ELAPOR2: variants seen among roughly 807,000 people sequenced by gnomAD.
ELAPOR2 encodes endosome-lysosome associated apoptosis and autophagy regulator family member 2.
In ELAPOR2, 89 loss-of-function variants were observed where a neutral mutation model predicts 120.7. The observed-to-expected ratio is 0.74, with a 90% CI of 0.62 to 0.88. The LOEUF (loss-of-function observed/expected upper bound fraction) is 0.88. ELAPOR2 is among the 40% of genes least tolerant of loss of function. The pLI, the probability that ELAPOR2 is intolerant of heterozygous loss-of-function variation, is 0.00. For missense variants in ELAPOR2, 1,134 were observed against 1,251.6 expected, an observed-to-expected ratio of 0.91 and a Z score of 1.42; for synonymous variants, 444 against 444.9, an observed-to-expected ratio of 1.00 and a Z score of 0.03.
At chr7:86,921,315 T>C (rs997265845) in intron 10 of ELAPOR2, among the ~76,000 whole-genome samples, 9 of 152,022 alleles carry the variant, frequency 5.9e-5, no homozygotes, top group African/African-American at 2.2e-4. Flanking sequence ...AAATGACTGG[T>C]GTCCTTATGA....
chr7:87,059,539 C>G lies in ELAPOR2; in HGVS notation c.-26G>C, dbSNP rs929711957. 6 of 1,172,746 alleles carry G rather than the reference C, an allele frequency of 5.1e-6. No homozygotes were observed. The highest frequency in any genetic ancestry group is 6.3e-6 in the Non-Finnish European group (6 of 950,234). 72.6% of individuals were successfully genotyped at this position (1,172,746 alleles called of 1,614,324 possible). A position where few individuals can be genotyped will look rare whatever the true frequency, so the allele number is the denominator to read the frequency against. ...CTTCGTCCGGCCGCGGTCGGCGGGCCGGCGGCAAGGCAGCCTTCCCGGGGT... is the reference window on the plus strand; with the variant it reads ...CTTCGTCCGGCCGCGGTCGGCGGGCGGGCGGCAAGGCAGCCTTCCCGGGGT... On this transcript the variant is annotated 5_prime_UTR_variant, in exon 1 of 22. Coordinates refer to ENST00000450689, the MANE Select transcript of ELAPOR2 (RefSeq NM_001142749.3).
At chr7:87,050,327 G>A (rs1419092354) in intron 1 of ELAPOR2, among the ~76,000 whole-genome samples, 2 of 152,108 alleles carry the variant, frequency 1.3e-5, no homozygotes, top group African/African-American at 4.8e-5. Flanking sequence ...CATGGGGGCG[G>A]ATTGCTCATG....
At chr7:86,976,140 G>A (rs948654972) in intron 1 of ELAPOR2, among the ~76,000 whole-genome samples, 2 of 152,074 alleles carry the variant, frequency 1.3e-5, no homozygotes, top group Non-Finnish European at 2.9e-5. Flanking sequence ...CACCTAATAT[G>A]CCAAGAGAAA....
chr7:86,948,415 T>G (rs1394460054), intron 2 of ELAPOR2, among the ~76,000 whole-genome samples: 3 of 152,210 alleles, frequency 2.0e-5, no homozygotes, highest in African/African-American at 7.2e-5. Context: ...CACTTATAAG[T>G]TGATGTGAGA....
At chr7:86,931,057 A>T (rs921868446) in intron 8 of ELAPOR2, among the ~76,000 whole-genome samples, 1 of 151,946 alleles carries the variant, frequency 6.6e-6, no homozygotes, top group African/African-American at 2.4e-5. Flanking sequence ...ACATTTTGAA[A>T]CAGACTATTT....
At chr7:86,881,270 C>G (rs1799386197) in intron 21 of ELAPOR2, among the ~76,000 whole-genome samples, 1 of 152,036 alleles carries the variant, frequency 6.6e-6, no homozygotes, top group Non-Finnish European at 1.5e-5. Flanking sequence ...AATCTCAGCT[C>G]ACTGTCACCT....
intron 15 of ELAPOR2, chr7:86,911,481 C>A (rs1789306305): frequency 2.6e-6 from 1 of 381,630 alleles, no homozygotes; most frequent in Non-Finnish European, 5.1e-6. Flanking sequence ...TATACCTATA[C>A]ATACTTCCCA....
At chr7:86,943,021 A>G (rs1790865740) in intron 4 of ELAPOR2, among the ~76,000 whole-genome samples, 1 of 152,074 alleles carries the variant, frequency 6.6e-6, no homozygotes, top group Admixed American at 6.5e-5. Context: ...TCCAAATACC[A>G]GAGAATATCA....
intron 1 of ELAPOR2, among the ~76,000 whole-genome samples, chr7:87,000,460 G>C (rs144198911): frequency 5.9e-5 from 9 of 152,216 alleles, no homozygotes; most frequent in Admixed American, 5.9e-4. Context: ...GAGCAGCCTG[G>C]ATTTATCCTC....
chr7:86,954,562 G>C (rs1791395674), intron 2 of ELAPOR2, among the ~76,000 whole-genome samples: 2 of 152,086 alleles, frequency 1.3e-5, no homozygotes, highest in Admixed American at 6.5e-5. Context: ...AGATGTTAAT[G>C]ATATAGTGAA....
At chr7:86,956,840 G>C (rs184706585) in intron 2 of ELAPOR2, among the ~76,000 whole-genome samples, 10 of 152,220 alleles carry the variant, frequency 6.6e-5, no homozygotes, top group Admixed American at 6.5e-4. Flanking sequence ...TATGTGATGA[G>C]GTCACCCAAG....
intron 2 of ELAPOR2, among the ~76,000 whole-genome samples, chr7:86,958,839 G>A (rs1419694891): frequency 2.6e-5 from 4 of 152,138 alleles, no homozygotes; most frequent in Non-Finnish European, 4.4e-5. Context: ...GGTTCCATAT[G>A]AGTTTAGGAT....
Position 87,026,716 on chromosome 7 carries a change from T to TA in ELAPOR2, c.189+32608dup, listed in dbSNP as rs1258496035. On this transcript the variant is annotated intron_variant, in intron 1 of 21. Transcript: ENST00000450689. ...ATTATTTCTTATTGCACTAAGAACT[T>TA]AGAGATAATGGGGTCTCTACAGTCA... Among the ~76,000 whole-genome samples the TA allele has an allele frequency of 3.3e-5, 5 of 152,238 alleles. No homozygotes were observed. In the East Asian group the frequency reaches 5.8e-4, roughly 18 times the overall value.
At chr7:86,958,450 C>T (rs73384111) in intron 2 of ELAPOR2, among the ~76,000 whole-genome samples, 11,851 of 152,148 alleles carry the variant, frequency 0.078, 550 homozygotes, top group Middle Eastern at 0.12. Flanking sequence ...TCCAGGACTG[C>T]AGATCACATT....
intron 1 of ELAPOR2, among the ~76,000 whole-genome samples, chr7:87,017,636 A>G (rs916665398): frequency 9.9e-5 from 15 of 152,264 alleles, no homozygotes; most frequent in Admixed American, 9.2e-4. Flanking sequence ...AAACACAAAA[A>G]TAGGCTGAGC....
intron 1 of ELAPOR2, among the ~76,000 whole-genome samples, chr7:87,000,868 T>C (rs1044101172): frequency 6.6e-6 from 1 of 152,138 alleles, no homozygotes; most frequent in Admixed American, 6.5e-5. Flanking sequence ...CAGAACAGAA[T>C]GAGACATTTA....
chr7:86,887,263 G>C (rs1214666123), intron 21 of ELAPOR2, among the ~76,000 whole-genome samples: 1 of 152,012 alleles, frequency 6.6e-6, no homozygotes, highest in South Asian at 2.1e-4. Flanking sequence ...TGTCACAAAT[G>C]GTGCATGGGT....
chr7:87,059,548 G>A lies in ELAPOR2; in HGVS notation c.-35C>T. The A allele has an allele frequency of 8.6e-7, 1 of 1,166,168 alleles. No individual in the cohort carries two copies. 72.2% of individuals were successfully genotyped at this position (1,166,168 alleles called of 1,614,324 possible). The stretch of plus-strand genomic sequence containing the variant: ...GCCGCGGTCGGCGGGCCGGCGGCAA[G>A]GCAGCCTTCCCGGGGTGCGGCGGCA... On this transcript the variant is annotated 5_prime_UTR_variant, in exon 1 of 22. Transcript: ENST00000450689.
rs934474543 is a variant in ELAPOR2 at position 86,877,770 on chromosome 7, C to G, written c.*2701G>C. ...TCTTCCACATAATCAATTTAAACAA[C>G]CTTTTTTCTTTGGGAAGAAAATAAG... On this transcript the variant is annotated 3_prime_UTR_variant, in exon 22 of 22. Transcript: ENST00000450689. The G allele has an allele frequency of 6.6e-6, 1 of 152,022 alleles. No individual in the cohort carries two copies. The highest frequency in any genetic ancestry group is 2.4e-5 in the African/African-American group (1 of 41,388). The allele number at this position is 152,022 out of a possible 1,614,324, so 9.4% of individuals were successfully genotyped here. A position where few individuals can be genotyped will look rare whatever the true frequency, so the allele number is the denominator to read the frequency against.
Sources: gnomAD v4.1 joint callset for allele counts (sites outside exome capture counted in the v4.1 genomes callset) on GRCh38, gnomAD v4.1.1 for gene constraint, MANE v1.5 for transcripts, NCBI Gene and HGNC (gene_info 2026-07-23, HGNC 2026-07-21) for gene names.